Variants in PCDH15 observed in about 807,000 individuals in gnomAD.
The protein encoded by PCDH15 is protocadherin related 15.
In PCDH15, 129 loss-of-function variants were observed where a neutral mutation model predicts 178.5. The ratio of observed to expected loss-of-function variants is 0.72; its 90% CI spans 0.63 to 0.84. The LOEUF is 0.84. Ranked by LOEUF, PCDH15 falls within the 40% of genes least tolerant of loss-of-function variation. PCDH15 has a pLI of 0.00. For missense variants in PCDH15, 2,230 were observed against 2,099.9 expected (o/e 1.06, Z -1.21); for synonymous variants, 800 against 732.0 (o/e 1.09, Z -1.50).
intron 32 of PCDH15, chr10:53,821,282 C>G: frequency 1.0e-6 from 1 of 984,626 alleles, no homozygotes; most frequent in Non-Finnish European, 1.2e-6. Flanking sequence ...TATCAGAAAA[C>G]AGATGACTAC....
chr10:54,132,375 G>A (rs1045305645), intron 15 of PCDH15, among the ~76,000 whole-genome samples: 6 of 151,948 alleles, frequency 3.9e-5, no homozygotes, highest in Non-Finnish European at 8.8e-5. Context: ...TCTTCTAAAG[G>A]AATAAAAACC....
intron 1 of PCDH15, among the ~76,000 whole-genome samples, chr10:54,680,611 C>T (rs565977272): frequency 6.6e-6 from 1 of 152,088 alleles, no homozygotes; most frequent in Non-Finnish European, 1.5e-5. Context: ...AAGGGTGGGG[C>T]CAGGTGAAGA....
At position 53,831,542 on chromosome 10, in the gene PCDH15, T is replaced by C; in HGVS notation, c.3984-9A>G. ...GTTTGCCATCCAAAAATCTTTATTG[T>C]TAGATAAATAGTAAAATTAATGATG... On this transcript the variant is annotated splice_polypyrimidine_tract_variant and intron_variant, in intron 29 of 37. Coordinates refer to ENST00000644397, the MANE Select transcript of PCDH15 (RefSeq NM_001384140.1). 1 of 1,578,020 alleles carries C rather than the reference T, an allele frequency of 6.3e-7. No individual in the cohort carries two copies. The highest frequency in any genetic ancestry group is 8.7e-7 in the Non-Finnish European group (1 of 1,147,616).
At chr10:55,408,933 C>A (rs369196243) in intron 2 of PCDH15, among the ~76,000 whole-genome samples, 49 of 152,168 alleles carry the variant, frequency 3.2e-4, no homozygotes, top group Middle Eastern at 3.4e-3. Flanking sequence ...TCACCATCTC[C>A]TTTTAAAAGT....
intron 3 of PCDH15, among the ~76,000 whole-genome samples, chr10:54,809,294 G>A (rs1952826333): frequency 6.6e-6 from 1 of 152,040 alleles, no homozygotes; most frequent in Admixed American, 6.5e-5. Flanking sequence ...ATTAAATAAA[G>A]GAAATATAAA....
At chr10:54,403,690 C>A (rs1309803625) in intron 3 of PCDH15, among the ~76,000 whole-genome samples, 1 of 151,706 alleles carries the variant, frequency 6.6e-6, no homozygotes, top group East Asian at 1.9e-4. Context: ...TATTCAGAAA[C>A]CCTCAAAATC....
At chr10:55,252,806 C>T (rs183801990) in intron 1 of PCDH15, among the ~76,000 whole-genome samples, 11 of 152,126 alleles carry the variant, frequency 7.2e-5, no homozygotes, top group African/African-American at 2.2e-4. Flanking sequence ...AATGAACACA[C>T]ACAAACACAC....
chr10:55,265,359 A>G (rs183587298), intron 1 of PCDH15, among the ~76,000 whole-genome samples: 44 of 147,804 alleles, frequency 3.0e-4, no homozygotes, highest in Admixed American at 2.7e-3. Context: ...TAATAGATAT[A>G]GGGATAGATA....
chr10:54,138,878 A>G (rs1383706097), intron 14 of PCDH15, among the ~76,000 whole-genome samples: 1 of 152,172 alleles, frequency 6.6e-6, no homozygotes, highest in Non-Finnish European at 1.5e-5. Flanking sequence ...ATGCGTCTTA[A>G]TGGTTTATGT....
intron 21 of PCDH15, among the ~76,000 whole-genome samples, chr10:53,992,440 TC>T (rs2134835970): frequency 1.3e-5 from 2 of 152,232 alleles, no homozygotes; most frequent in South Asian, 4.1e-4. Context: ...CCTTATAAAT[TC>T]CTAAAATATA....
chr10:54,955,061 A>G (rs541551293), intron 2 of PCDH15, among the ~76,000 whole-genome samples: 1 of 151,328 alleles, frequency 6.6e-6, no homozygotes, highest in East Asian at 1.9e-4. Flanking sequence ...ATAATTCATT[A>G]CGTTTGTTAT....
chr10:54,232,818 G>T (rs1473852485), intron 9 of PCDH15, among the ~76,000 whole-genome samples: 1 of 151,444 alleles, frequency 6.6e-6, no homozygotes, highest in Non-Finnish European at 1.5e-5. Flanking sequence ...TGATTTCAAA[G>T]AATTGATTTT....
intron 2 of PCDH15, among the ~76,000 whole-genome samples, chr10:55,056,036 G>A (rs549200393): frequency 2.0e-4 from 31 of 151,916 alleles, no homozygotes; most frequent in Middle Eastern, 3.4e-3. Flanking sequence ...TTGTCACAAC[G>A]CTAACCCAAT....
intron 8 of PCDH15, among the ~76,000 whole-genome samples, chr10:54,258,836 G>A (rs944477225): frequency 7.9e-5 from 12 of 151,830 alleles, no homozygotes; most frequent in Non-Finnish European, 1.3e-4. Context: ...AACAATTTTC[G>A]TGATATAACT....
intron 20 of PCDH15, among the ~76,000 whole-genome samples, chr10:54,007,578 C>T (rs570563819): frequency 6.6e-6 from 1 of 152,182 alleles, no homozygotes; most frequent in South Asian, 2.1e-4. Flanking sequence ...TTGATCATCA[C>T]AGGTTTTGTT....
intron 2 of PCDH15, among the ~76,000 whole-genome samples, chr10:55,451,857 C>T (rs1342364596): frequency 2.6e-5 from 4 of 152,190 alleles, no homozygotes; most frequent in African/African-American, 9.7e-5. Context: ...TGTTTCTAAA[C>T]ACTTGAAATT....
intron 2 of PCDH15, among the ~76,000 whole-genome samples, chr10:55,155,285 T>C (rs1374458356): frequency 6.6e-6 from 1 of 152,134 alleles, no homozygotes; most frequent in East Asian, 1.9e-4. Context: ...TACTTTCTTA[T>C]TGTTGTTTCA....
intron 2 of PCDH15, among the ~76,000 whole-genome samples, chr10:55,519,093 C>CAAAAAAAAAAAA (rs33942260): frequency 1.5e-5 from 1 of 66,190 alleles, no homozygotes; most frequent in Non-Finnish European, 2.6e-5. Flanking sequence ...GATTTCGTCT[C>CAAAAAAAAAAAA]AAAAAAAAAA....
At chr10:54,416,593 C>T (rs938054643) in intron 3 of PCDH15, among the ~76,000 whole-genome samples, 3 of 152,086 alleles carry the variant, frequency 2.0e-5, no homozygotes, top group African/African-American at 7.2e-5. Flanking sequence ...CATACATGTG[C>T]ATTTGTCTTT....
Sources: gnomAD v4.1 joint callset for allele counts (sites outside exome capture counted in the v4.1 genomes callset) on GRCh38, gnomAD v4.1.1 for gene constraint, MANE v1.5 for transcripts, NCBI Gene and HGNC (gene_info 2026-07-23, HGNC 2026-07-21) for gene names.